The following AUTS2 variants were observed in gnomAD, a reference collection of about 807,000 sequenced individuals.
AUTS2 encodes the protein activator of transcription and developmental regulator AUTS2.
In AUTS2, 17 loss-of-function variants were observed where a neutral mutation model predicts 112.4. The observed-to-expected ratio is 0.15, with a 90% confidence interval of 0.10 to 0.23. The LOEUF is 0.23. Ranked by LOEUF, AUTS2 falls within the 10% of genes least tolerant of loss-of-function variation. The pLI is 1.00. For synonymous variants in AUTS2, 751 were observed against 702.7 expected, an observed-to-expected ratio of 1.07 and a Z score of -1.09; for missense variants, 1,510 against 1,701.6, an observed-to-expected ratio of 0.89 and a Z score of 1.98.
At chr7:69,772,663 G>C (rs210602) in intron 1 of AUTS2, among the ~76,000 whole-genome samples, 23,040 of 152,090 alleles carry the variant, frequency 0.15, 1,996 homozygotes, top group Admixed American at 0.23. Context: ...CAAACTCTTG[G>C]TTTCAAGTGA....
chr7:70,763,886 A>C (rs1789734185), intron 7 of AUTS2, among the ~76,000 whole-genome samples: 1 of 152,142 alleles, frequency 6.6e-6, no homozygotes, highest in South Asian at 2.1e-4. Context: ...AACAAGCTGC[A>C]TTTAGAGAAA....
intron 5 of AUTS2, among the ~76,000 whole-genome samples, chr7:70,572,926 G>A (rs997582308): frequency 5.9e-5 from 9 of 152,172 alleles, no homozygotes; most frequent in Non-Finnish European, 8.8e-5. Context: ...GCTCTGGGAC[G>A]GCTAGCTTCA....
At chr7:69,747,784 G>GTGTGTGT (rs1787560248) in intron 1 of AUTS2, among the ~76,000 whole-genome samples, 1 of 144,502 alleles carries the variant, frequency 6.9e-6, no homozygotes, top group Non-Finnish European at 1.5e-5. Context: ...GAAGGAGAGG[G>GTGTGTGT]GTGTGTGTGT....
At chr7:69,651,315 G>C (rs1247806457) in intron 1 of AUTS2, among the ~76,000 whole-genome samples, 1 of 152,110 alleles carries the variant, frequency 6.6e-6, no homozygotes, top group African/African-American at 2.4e-5. Context: ...GAGTTTCTGG[G>C]AACAGCAGAT....
chr7:70,194,399 C>A (rs1400050828), intron 4 of AUTS2, among the ~76,000 whole-genome samples: 1 of 152,082 alleles, frequency 6.6e-6, no homozygotes, highest in Non-Finnish European at 1.5e-5. Context: ...CAGAGCGAGA[C>A]CCTGTCTCAA....
intron 5 of AUTS2, among the ~76,000 whole-genome samples, chr7:70,577,333 C>A (rs1297795507): frequency 6.6e-6 from 1 of 152,200 alleles, no homozygotes; most frequent in Non-Finnish European, 1.5e-5. Context: ...GGGCAGACTT[C>A]ATTTCCATCT....
At chr7:69,921,637 G>C (rs937486001) in intron 2 of AUTS2, among the ~76,000 whole-genome samples, 2 of 151,374 alleles carry the variant, frequency 1.3e-5, no homozygotes, top group Non-Finnish European at 2.9e-5. Context: ...CAGGCTTGGT[G>C]GTGTGTGCCT....
chr7:70,394,374 C>T (rs146544720), intron 4 of AUTS2, among the ~76,000 whole-genome samples: 164 of 152,306 alleles, frequency 1.1e-3, no homozygotes, highest in African/African-American at 3.8e-3. Context: ...GGAGCTAAGA[C>T]TTGAATGCAA....
chr7:70,098,699 T>A (rs1421139443), intron 2 of AUTS2, among the ~76,000 whole-genome samples: 1 of 151,734 alleles, frequency 6.6e-6, no homozygotes. Context: ...TTAAACTTTT[T>A]TCTTTTCTTT....
chr7:70,597,043 C>A (rs1803246120), intron 5 of AUTS2, among the ~76,000 whole-genome samples: 1 of 151,992 alleles, frequency 6.6e-6, no homozygotes, highest in Non-Finnish European at 1.5e-5. Flanking sequence ...CTTTTTATTT[C>A]TTGGGGGAGC....
At chr7:70,643,188 T>C (rs577260400) in intron 5 of AUTS2, among the ~76,000 whole-genome samples, 178 of 152,330 alleles carry the variant, frequency 1.2e-3, no homozygotes, top group African/African-American at 4.1e-3. Flanking sequence ...GGACTATGTC[T>C]CCATCCCAGG....
At chr7:70,371,057 G>A (rs117393135) in intron 4 of AUTS2, among the ~76,000 whole-genome samples, 169 of 152,222 alleles carry the variant, frequency 1.1e-3, no homozygotes, top group Admixed American at 3.3e-3. Flanking sequence ...GGAATTGGAC[G>A]CAGCCTTTTA....
intron 2 of AUTS2, among the ~76,000 whole-genome samples, chr7:70,003,249 A>G (rs1255790514): frequency 7.9e-6 from 1 of 126,740 alleles, no homozygotes; most frequent in Non-Finnish European, 1.6e-5. Flanking sequence ...AATATATTAT[A>G]TATGAATATA....
At chr7:70,383,611 A>G (rs1793472788) in intron 4 of AUTS2, among the ~76,000 whole-genome samples, 1 of 152,180 alleles carries the variant, frequency 6.6e-6, no homozygotes, top group South Asian at 2.1e-4. Context: ...TGCTATCACT[A>G]ATTAGCCAGA....
At chr7:70,204,433 T>A (rs987367032) in intron 4 of AUTS2, among the ~76,000 whole-genome samples, 5 of 152,130 alleles carry the variant, frequency 3.3e-5, no homozygotes, top group Admixed American at 6.6e-5. Flanking sequence ...AACATAGTAA[T>A]CCATTTTGCA....
intron 5 of AUTS2, among the ~76,000 whole-genome samples, chr7:70,444,399 T>G (rs1311343846): frequency 1.4e-5 from 2 of 141,838 alleles, no homozygotes; most frequent in East Asian, 4.0e-4. Flanking sequence ...AGAGAAAGAG[T>G]TAATCCCCCT....
At chr7:70,433,567 C>T (rs1795764999) in intron 4 of AUTS2, among the ~76,000 whole-genome samples, 1 of 152,196 alleles carries the variant, frequency 6.6e-6, no homozygotes, top group Admixed American at 6.5e-5. Context: ...CAATTTCTTT[C>T]TCAACTCATT....
intron 2 of AUTS2, among the ~76,000 whole-genome samples, chr7:69,910,871 C>T (rs1300801651): frequency 6.6e-6 from 1 of 152,168 alleles, no homozygotes; most frequent in East Asian, 1.9e-4. Context: ...CGTGATCCGC[C>T]CGCCTCGGCC....
intron 4 of AUTS2, among the ~76,000 whole-genome samples, chr7:70,189,184 C>G (rs1809756929): frequency 6.6e-6 from 1 of 152,044 alleles, no homozygotes; most frequent in Non-Finnish European, 1.5e-5. Flanking sequence ...CAATTACAAG[C>G]AGATGATAAT....
Sources: allele counts gnomAD v4.1 joint callset (sites outside exome capture counted in the v4.1 genomes callset), GRCh38; gene constraint gnomAD v4.1.1; transcripts MANE v1.5; gene names NCBI Gene and HGNC (gene_info 2026-07-23, HGNC 2026-07-21).